The following PTGR1 variants were observed in gnomAD, a reference collection of about 807,000 sequenced individuals.
PTGR1 encodes prostaglandin reductase 1.
PTGR1 carries 23 observed loss-of-function variants against 37.7 expected under a neutral mutation model. The ratio of observed to expected loss-of-function variants is 0.61; its 90% CI spans 0.44 to 0.86. The LOEUF (loss-of-function observed/expected upper bound fraction) is 0.86. Ranked by LOEUF, PTGR1 falls within the 40% of genes least tolerant of loss-of-function variation. The pLI, the probability that PTGR1 is intolerant of heterozygous loss-of-function variation, is 0.00. For missense variants in PTGR1, 351 were observed against 394.3 expected (o/e 0.89, Z 0.93); for synonymous variants, 134 against 140.0 (o/e 0.96, Z 0.30).
chr9:111,582,583 C>T (rs1427115297), intron 6 of PTGR1, among the ~76,000 whole-genome samples: 3 of 152,194 alleles, frequency 2.0e-5, no homozygotes, highest in African/African-American at 7.2e-5. Context: ...AATGGTTCGA[C>T]ATTGGAAAAC....
At chr9:111,575,440 G>A (rs1829016736) in intron 7 of PTGR1, 1 of 152,098 alleles carries the variant, frequency 6.6e-6, no homozygotes, top group Admixed American at 6.6e-5. Flanking sequence ...TAATTTAAAG[G>A]TATGGAAAAA....
intron 9 of PTGR1, among the ~76,000 whole-genome samples, chr9:111,551,512 A>T (rs534079429): frequency 3.7e-4 from 53 of 143,234 alleles, no homozygotes; most frequent in South Asian, 1.5e-3. Context: ...GGTTCCAGCA[A>T]TTCTCCTGCT....
At chr9:111,587,034 C>T (rs1432232902) in intron 4 of PTGR1, among the ~76,000 whole-genome samples, 1 of 151,972 alleles carries the variant, frequency 6.6e-6, no homozygotes. Flanking sequence ...AGGCTGATCT[C>T]GAACTCCTGA....
In PTGR1 at chr9:111,573,280, G is replaced by A. The variant is rs1038025631; in HGVS notation, c.760+1454C>T. On this transcript the variant is annotated intron_variant, in intron 8 of 9. Transcript: ENST00000407693. The stretch of plus-strand genomic sequence containing the variant: ...CTTAGCACCAGTTAGAAAATTATAG[G>A]GGGAAAAAAAAGTCCCTAACAATAA... 2.0e-5 allele frequency among the ~76,000 whole-genome samples: 3 copies of A among 151,136 alleles called. No homozygotes were observed. In the East Asian group the frequency reaches 5.8e-4, roughly 29 times the overall value.
At chr9:111,554,868 C>A (rs1828076120) in intron 9 of PTGR1, among the ~76,000 whole-genome samples, 1 of 152,328 alleles carries the variant, frequency 6.6e-6, no homozygotes, top group African/African-American at 2.4e-5. Flanking sequence ...TCAGGGTCTA[C>A]AACTGAAGTC....
chr9:111,570,043 A>G, intron 9 of PTGR1, 48 bp downstream of exon 9: 1 of 1,610,524 alleles, frequency 6.2e-7, no homozygotes, highest in Non-Finnish European at 8.5e-7. Context: ...AGGCAAAGGG[A>G]GTGTGACCTA....
At position 111,574,795 on chromosome 9, in the gene PTGR1, A is replaced by G. The variant is rs1828983659; in HGVS notation, c.699T>C (p.Phe233=). 2 of 1,613,868 alleles carry G rather than the reference A, an allele frequency of 1.2e-6. No individual in the cohort carries two copies. The highest frequency in any genetic ancestry group is 1.7e-5 in the Admixed American group (1 of 59,972). Residue 233 remains phenylalanine, a synonymous_variant, in exon 8 of 10, where the codon TTT becomes TTC. Transcript: ENST00000407693. ...TGGCTCCACATATGGCAATCCTTCC[A>G]AATTTCTTCATCTGGCCGATAACAG... ...SNTVIGQMKK[F]GRIAICGAIS...
At position 111,563,052 on chromosome 9, in the gene PTGR1, T is replaced by C. The variant is rs1040435646; in HGVS notation, c.*69A>G. The C allele has an allele frequency of 1.1e-4, 177 of 1,573,524 alleles. No individual in the cohort carries two copies. Among genetic ancestry groups the C allele is most frequent in the Non-Finnish European group, 1.5e-4 (173 of 1,160,110 alleles). ...TAAGACATTTAAGGTAGTATACATT[T>C]TTGCTAAATGGTGAAAAACAAATTA... On this transcript the variant is annotated 3_prime_UTR_variant, in exon 10 of 10. Coordinates refer to ENST00000407693, the MANE Select transcript of PTGR1 (RefSeq NM_001146108.2).
intron 9 of PTGR1, among the ~76,000 whole-genome samples, chr9:111,553,966 A>T (rs1002184889): frequency 6.6e-6 from 1 of 152,150 alleles, no homozygotes; most frequent in Non-Finnish European, 1.5e-5. Flanking sequence ...ATAACTTCCA[A>T]CGTCCCAGAG....
rs771614824 is a variant in PTGR1, at chr9:111,563,137, G to A, written c.974C>T (p.Thr325Ile). ...TCCTCTTTTTCATGCTTTCACTATT[G>A]TCTTCCCCAAATTATCTCCTTTCAG... ...GMLKGDNLGK[T>I]IVKA Residue 325 changes from threonine (T) to isoleucine (I), a missense_variant, in exon 10 of 10, where the codon ACA (threonine) becomes ATA (isoleucine). Physicochemically the swap from Thr to Ile is moderately conservative, Grantham distance 89 (BLOSUM62 -1). Transcript: ENST00000407693. 2 of 1,613,686 alleles carry A rather than the reference G, an allele frequency of 1.2e-6. No homozygotes were observed. Among genetic ancestry groups the A allele is most frequent in the South Asian group, 1.1e-5 (1 of 91,012 alleles).
intron 7 of PTGR1, chr9:111,576,263 C>A: frequency 8.4e-7 from 1 of 1,192,666 alleles, no homozygotes; most frequent in Non-Finnish European, 1.2e-6. Flanking sequence ...AGTTGGTCCT[C>A]ATTATTAGTG....
downstream of PTGR1, among the ~76,000 whole-genome samples, chr9:111,560,818 C>T (rs185243049): frequency 3.3e-5 from 5 of 149,258 alleles, no homozygotes; most frequent in East Asian, 1.0e-3. Flanking sequence ...TGGCTCATGC[C>T]TGTAATCCCA....
At chr9:111,584,104 C>G (rs1829360271) in intron 5 of PTGR1, among the ~76,000 whole-genome samples, 1 of 152,172 alleles carries the variant, frequency 6.6e-6, no homozygotes, top group South Asian at 2.1e-4. Context: ...CCGTATTACC[C>G]CAAGTAAGAT....
intron 9 of PTGR1, among the ~76,000 whole-genome samples, chr9:111,553,131 A>G (rs1217393551): frequency 6.6e-6 from 1 of 152,216 alleles, no homozygotes; most frequent in Non-Finnish European, 1.5e-5. Flanking sequence ...AATGGTTGCT[A>G]AAAATTACAT....
At chr9:111,599,518 G>A (rs1829881212) in intron 1 of PTGR1, 85 bp downstream of exon 1, 2 of 152,494 alleles carry the variant, frequency 1.3e-5, no homozygotes, top group Admixed American at 6.5e-5. Context: ...TCCTCCACTG[G>A]GGCGTCTAGA....
At chr9:111,558,447 G>A (rs965922317), downstream of PTGR1, among the ~76,000 whole-genome samples, 1 of 152,148 alleles carries the variant, frequency 6.6e-6, no homozygotes, top group Non-Finnish European at 1.5e-5. Flanking sequence ...GGAGGTTGAG[G>A]TAAGAGGATC....
At chr9:111,567,940 CTTACT>C (rs1828640038) in intron 9 of PTGR1, among the ~76,000 whole-genome samples, 1 of 152,188 alleles carries the variant, frequency 6.6e-6, no homozygotes, top group African/African-American at 2.4e-5. Context: ...TTACGCCTGT[CTTACT>C]TTAATCTCTT....
intron 3 of PTGR1, among the ~76,000 whole-genome samples, chr9:111,593,285 G>A (rs1311963768): frequency 1.3e-5 from 2 of 152,092 alleles, no homozygotes; most frequent in Non-Finnish European, 2.9e-5. Flanking sequence ...TTCTACCAAT[G>A]ACTTTAAAAA....
chr9:111,562,300 G>A (rs1234257957), downstream of PTGR1, among the ~76,000 whole-genome samples: 3 of 140,804 alleles, frequency 2.1e-5, no homozygotes, highest in African/African-American at 7.8e-5. Context: ...TTTTGAGATA[G>A]AGTCTCGCTC....
Sources: gnomAD v4.1 joint callset for allele counts (sites outside exome capture counted in the v4.1 genomes callset) on GRCh38, gnomAD v4.1.1 for gene constraint, MANE v1.5 for transcripts, NCBI Gene and HGNC (gene_info 2026-07-23, HGNC 2026-07-21) for gene names.